RERG: variants seen among roughly 807,000 people sequenced by gnomAD.
RERG encodes ras-related and estrogen-regulated growth inhibitor.
A neutral mutation model predicts 23.2 loss-of-function variants in RERG; 25 were observed. That is an observed-to-expected ratio of 1.08 (90% CI 0.79 to 1.50). The LOEUF (loss-of-function observed/expected upper bound fraction) is 1.50, where lower values mean the gene tolerates loss of function less well. Ranked by LOEUF, RERG falls within the 40% of genes most tolerant of loss-of-function variation. RERG has a pLI of 0.00. For synonymous variants in RERG, 81 were observed against 89.1 expected (o/e 0.91, Z 0.51); for missense variants, 253 against 250.1 (o/e 1.01, Z -0.08).
chr12:15,122,049 G>T (rs1324536982), intron 2 of RERG, among the ~76,000 whole-genome samples: 1 of 151,740 alleles, frequency 6.6e-6, no homozygotes, highest in Non-Finnish European at 1.5e-5. Context: ...AATTGGAGCG[G>T]GATGTCACAG....
At chr12:15,206,662 A>T (rs1207577784) in intron 2 of RERG, among the ~76,000 whole-genome samples, 5 of 152,110 alleles carry the variant, frequency 3.3e-5, no homozygotes, top group Non-Finnish European at 5.9e-5. Context: ...ATCCCGAGGC[A>T]TGGTAAAGTT....
intron 2 of RERG, among the ~76,000 whole-genome samples, chr12:15,161,226 G>GAAAGAAACAAAC (rs1565524246): frequency 1.6e-5 from 2 of 123,470 alleles, no homozygotes; most frequent in South Asian, 2.6e-4. Context: ...AAGAAAGAAA[G>GAAAGAAACAAAC]AAACAGGGGC....
chr12:15,208,380 A>C (rs781385056), intron 2 of RERG, among the ~76,000 whole-genome samples: 1 of 152,330 alleles, frequency 6.6e-6, no homozygotes, highest in Non-Finnish European at 1.5e-5. Flanking sequence ...GAGACAGTCA[A>C]GTTCAGGCAA....
intron 2 of RERG, among the ~76,000 whole-genome samples, chr12:15,122,670 C>G (rs566800715): frequency 6.6e-6 from 1 of 152,234 alleles, no homozygotes; most frequent in East Asian, 1.9e-4. Flanking sequence ...TTTATTTTTA[C>G]ATACAGGAAG....
At chr12:15,135,554 C>T (rs578208431) in intron 2 of RERG, among the ~76,000 whole-genome samples, 3 of 152,110 alleles carry the variant, frequency 2.0e-5, no homozygotes, top group Non-Finnish European at 2.9e-5. Context: ...GTAAAATGTT[C>T]CTTATCAAGT....
intron 2 of RERG, among the ~76,000 whole-genome samples, chr12:15,201,108 TCA>T (rs1431127904): frequency 6.6e-6 from 1 of 151,926 alleles, no homozygotes; most frequent in African/African-American, 2.4e-5. Flanking sequence ...AGTAGTTTAA[TCA>T]CAGTTTCCTC....
chr12:15,182,097 T>C (rs1308692985), intron 2 of RERG, among the ~76,000 whole-genome samples: 5 of 151,514 alleles, frequency 3.3e-5, no homozygotes, highest in Admixed American at 6.6e-5. Flanking sequence ...TCGCTGTTGT[T>C]GCCCAGGCTG....
chr12:15,162,928 G>A (rs1864635081), intron 2 of RERG, among the ~76,000 whole-genome samples: 2 of 152,102 alleles, frequency 1.3e-5, no homozygotes, highest in South Asian at 4.1e-4. Flanking sequence ...ATTATGAAGA[G>A]TTTCCATTCT....
intron 2 of RERG, among the ~76,000 whole-genome samples, chr12:15,181,970 C>A (rs1864928933): frequency 2.0e-5 from 3 of 152,076 alleles, no homozygotes; most frequent in African/African-American, 4.8e-5. Flanking sequence ...CATTTTCTCT[C>A]TCTTGTACTT....
At chr12:15,183,512 A>G (rs1245808791) in intron 2 of RERG, among the ~76,000 whole-genome samples, 1 of 152,156 alleles carries the variant, frequency 6.6e-6, no homozygotes, top group African/African-American at 2.4e-5. Context: ...AAGAAAATCA[A>G]TGGAGACATG....
intron 2 of RERG, among the ~76,000 whole-genome samples, chr12:15,143,537 T>C (rs1341917658): frequency 1.3e-5 from 2 of 152,178 alleles, no homozygotes; most frequent in Admixed American, 6.5e-5. Flanking sequence ...ACTATGTGCA[T>C]GGCAATGAGC....
chr12:15,158,751 C>T (rs79929255), intron 2 of RERG, among the ~76,000 whole-genome samples: 2,146 of 152,160 alleles, frequency 0.014, 66 homozygotes, highest in African/African-American at 0.049. Context: ...TGCTACAGAA[C>T]GATGTGTGTC....
chr12:15,127,002 G>T (rs1863960096), intron 2 of RERG, among the ~76,000 whole-genome samples: 1 of 152,078 alleles, frequency 6.6e-6, no homozygotes, highest in Non-Finnish European at 1.5e-5. Context: ...ACAGGCATGA[G>T]CCACCGCGCC....
intron 2 of RERG, among the ~76,000 whole-genome samples, chr12:15,174,219 C>T (rs1864814321): frequency 6.6e-6 from 1 of 151,748 alleles, no homozygotes; most frequent in African/African-American, 2.4e-5. Flanking sequence ...CTTTTTCTTT[C>T]AGCACTTTAG....
intron 2 of RERG, among the ~76,000 whole-genome samples, chr12:15,190,558 T>A (rs954797793): frequency 2.0e-5 from 3 of 152,100 alleles, no homozygotes; most frequent in Non-Finnish European, 4.4e-5. Context: ...GATTTGTAGG[T>A]CAACCCAGTT....
chr12:15,132,211 A>C (rs941300564), intron 2 of RERG, among the ~76,000 whole-genome samples: 1 of 152,212 alleles, frequency 6.6e-6, no homozygotes, highest in Admixed American at 6.5e-5. Flanking sequence ...TTCCAGTACT[A>C]CAAAGGGAAA....
chr12:15,206,315 C>T (rs985180853), intron 2 of RERG, among the ~76,000 whole-genome samples: 1 of 152,076 alleles, frequency 6.6e-6, no homozygotes, highest in African/African-American at 2.4e-5. Flanking sequence ...TTTGTCTCTT[C>T]TCACTAAAAT....
At chr12:15,165,207 C>T (rs1487052989) in intron 2 of RERG, among the ~76,000 whole-genome samples, 4 of 152,256 alleles carry the variant, frequency 2.6e-5, no homozygotes, top group South Asian at 4.2e-4. Flanking sequence ...CTTTGAGCGG[C>T]GACCACTCAA....
At chr12:15,175,203 T>G (rs1864831347) in intron 2 of RERG, among the ~76,000 whole-genome samples, 1 of 151,294 alleles carries the variant, frequency 6.6e-6, no homozygotes, top group Admixed American at 6.6e-5. Context: ...AAGCTAATCC[T>G]GTAAAGTCTA....
Sources: allele counts gnomAD v4.1 joint callset (sites outside exome capture counted in the v4.1 genomes callset), GRCh38; gene constraint gnomAD v4.1.1; transcripts MANE v1.5; gene names NCBI Gene and HGNC (gene_info 2026-07-23, HGNC 2026-07-21).